LSAMP: variants seen among roughly 807,000 people sequenced by gnomAD.
LSAMP encodes limbic system associated membrane protein.
LSAMP carries 7 observed loss-of-function variants against 38.6 expected under a neutral mutation model. The observed-to-expected ratio is 0.18, with a 90% confidence interval of 0.10 to 0.34. The LOEUF (loss-of-function observed/expected upper bound fraction) is 0.34, where lower values mean the gene tolerates loss of function less well. LSAMP is among the 10% of genes least tolerant of loss of function. The pLI is 1.00. For synonymous variants in LSAMP, 154 were observed against 166.8 expected (o/e 0.92, Z 0.59); for missense variants, 313 against 420.0 (o/e 0.75, Z 2.23).
At chr3:116,232,093 C>A (rs1170383248) in intron 1 of LSAMP, among the ~76,000 whole-genome samples, 1 of 152,158 alleles carries the variant, frequency 6.6e-6, no homozygotes, top group Admixed American at 6.5e-5. Flanking sequence ...AGTCAGGGCT[C>A]TAGTCTTGGT....
intron 1 of LSAMP, among the ~76,000 whole-genome samples, chr3:116,394,915 C>T (rs111596330): frequency 5.3e-5 from 8 of 152,130 alleles, no homozygotes; most frequent in African/African-American, 1.4e-4. Flanking sequence ...TGTAGACTGA[C>T]GATGATTTAG....
intron 1 of LSAMP, among the ~76,000 whole-genome samples, chr3:116,411,218 C>T (rs1337366533): frequency 1.3e-5 from 2 of 152,002 alleles, no homozygotes; most frequent in African/African-American, 4.8e-5. Context: ...GTCAGTATGG[C>T]GATGCCTCAG....
At chr3:116,009,747 C>G (rs948400062) in intron 3 of LSAMP, among the ~76,000 whole-genome samples, 22 of 152,058 alleles carry the variant, frequency 1.4e-4, no homozygotes, top group African/African-American at 5.1e-4. Context: ...TTTGACTCAA[C>G]TTATTAACTG....
At chr3:116,341,562 C>G (rs189534540) in intron 1 of LSAMP, among the ~76,000 whole-genome samples, 2 of 151,986 alleles carry the variant, frequency 1.3e-5, no homozygotes, top group East Asian at 1.9e-4. Context: ...AAAACCAATA[C>G]ATCTTGAGCA....
intron 4 of LSAMP, among the ~76,000 whole-genome samples, chr3:115,850,671 C>A (rs1935301374): frequency 6.6e-6 from 1 of 152,212 alleles, no homozygotes; most frequent in Non-Finnish European, 1.5e-5. Flanking sequence ...CTTCAGAACT[C>A]ATGAAATGCA....
intron 3 of LSAMP, among the ~76,000 whole-genome samples, chr3:115,925,157 G>C (rs1937470506): frequency 6.6e-6 from 1 of 152,110 alleles, no homozygotes; most frequent in African/African-American, 2.4e-5. Flanking sequence ...GGGTGAACAA[G>C]GGGGAGCTAT....
intron 3 of LSAMP, among the ~76,000 whole-genome samples, chr3:115,855,100 C>T (rs1386059784): frequency 6.6e-6 from 1 of 152,134 alleles, no homozygotes; most frequent in Non-Finnish European, 1.5e-5. Context: ...GAATTCTTTC[C>T]AATTCCCATG....
intron 1 of LSAMP, among the ~76,000 whole-genome samples, chr3:116,325,535 T>C (rs1399310610): frequency 1.3e-5 from 2 of 152,142 alleles, no homozygotes; most frequent in Admixed American, 1.3e-4. Context: ...TGAATTAAGA[T>C]TTCATTTCCA....
intron 4 of LSAMP, among the ~76,000 whole-genome samples, chr3:115,844,102 T>C (rs948280979): frequency 2.0e-5 from 3 of 152,208 alleles, no homozygotes; most frequent in Admixed American, 6.5e-5. Context: ...TTATTACCTA[T>C]AAAATGAGGG....
chr3:116,266,452 T>C (rs923709015), intron 1 of LSAMP, among the ~76,000 whole-genome samples: 3 of 152,122 alleles, frequency 2.0e-5, no homozygotes, highest in African/African-American at 7.2e-5. Context: ...ACACCTGAGC[T>C]GAAACCAAGA....
At chr3:115,817,710 A>T (rs890614220) in intron 6 of LSAMP, among the ~76,000 whole-genome samples, 1 of 152,182 alleles carries the variant, frequency 6.6e-6, no homozygotes, top group African/African-American at 2.4e-5. Context: ...AGTTATTTCT[A>T]TTTAACAAAT....
chr3:116,161,969 G>A (rs575031267), intron 1 of LSAMP, among the ~76,000 whole-genome samples: 1 of 151,958 alleles, frequency 6.6e-6, no homozygotes, highest in South Asian at 2.1e-4. Flanking sequence ...TTTGAATGCA[G>A]AAATGAGAGT....
chr3:115,846,821 A>G lies in LSAMP; in HGVS notation c.650-4243T>C, dbSNP rs150764778. Among the ~76,000 whole-genome samples the G allele has an allele frequency of 3.3e-3, 495 of 152,286 alleles. 6 individuals are homozygous for G. The highest frequency in any genetic ancestry group is 0.011 in the African/African-American group (477 of 41,544). On this transcript the variant is annotated intron_variant, in intron 4 of 6. Coordinates refer to ENST00000490035, the MANE Select transcript of LSAMP (RefSeq NM_002338.5). The stretch of plus-strand genomic sequence containing the variant: ...GGAAAGGTAAATGTTGCATATTTCT[A>G]TTATTTACAGGGTACAAACAATGGC...
chr3:116,026,248 C>T (rs902197689), intron 2 of LSAMP, among the ~76,000 whole-genome samples: 1 of 152,108 alleles, frequency 6.6e-6, no homozygotes, highest in Admixed American at 6.6e-5. Context: ...TTTTCTGTCC[C>T]TCCTTATTGT....
chr3:115,953,952 C>T (rs1289366038), intron 3 of LSAMP, among the ~76,000 whole-genome samples: 3 of 152,156 alleles, frequency 2.0e-5, no homozygotes, highest in Non-Finnish European at 4.4e-5. Context: ...CTGTAAGAGG[C>T]CATCCTTGTC....
At chr3:115,929,179 G>C (rs918374188) in intron 3 of LSAMP, among the ~76,000 whole-genome samples, 1 of 151,890 alleles carries the variant, frequency 6.6e-6, no homozygotes, top group Non-Finnish European at 1.5e-5. Context: ...CTGCAATGAA[G>C]AGTAGAAAGA....
intron 1 of LSAMP, among the ~76,000 whole-genome samples, chr3:116,151,881 T>C (rs1709620970): frequency 6.6e-6 from 1 of 152,038 alleles, no homozygotes; most frequent in Admixed American, 6.6e-5. Flanking sequence ...TCTTTTTAAA[T>C]GAGACACCCA....
Position 115,803,792 on chromosome 3 carries a change from T to C in LSAMP, c.*6525A>G, listed in dbSNP as rs1398662071. On this transcript the variant is annotated 3_prime_UTR_variant, in exon 7 of 7. Coordinates refer to ENST00000490035, the MANE Select transcript of LSAMP (RefSeq NM_002338.5). ...GTATTGTCTTGCCCATTTCTTACAG[T>C]TCAGCCTTTGAACCTGCCTGGGACC... The C allele has an allele frequency of 6.6e-6, 1 of 152,194 alleles. No homozygotes were observed. The highest frequency in any genetic ancestry group is 1.5e-5 in the Non-Finnish European group (1 of 68,038). The allele number at this position is 152,194 out of a possible 1,614,324, so 9.4% of individuals were successfully genotyped here.
chr3:115,821,501 G>A (rs753075934), intron 6 of LSAMP, among the ~76,000 whole-genome samples: 5 of 152,140 alleles, frequency 3.3e-5, no homozygotes, highest in Non-Finnish European at 7.4e-5. Context: ...GTATTTACTT[G>A]AAAACAAATG....
Sources: allele counts gnomAD v4.1 joint callset (sites outside exome capture counted in the v4.1 genomes callset), GRCh38; gene constraint gnomAD v4.1.1; transcripts MANE v1.5; gene names NCBI Gene and HGNC (gene_info 2026-07-23, HGNC 2026-07-21).